MGAM2: variants seen among roughly 807,000 people sequenced by gnomAD.
MGAM2 encodes maltase-glucoamylase 2 (putative), also known as probable maltase-glucoamylase 2.
MGAM2 carries 98 observed loss-of-function variants against 96.1 expected under a neutral mutation model. That is an observed-to-expected ratio of 1.02 (90% confidence interval 0.87 to 1.21). The LOEUF (loss-of-function observed/expected upper bound fraction) is 1.21. Among genes scored for constraint, MGAM2 ranks in the 50% most tolerant of loss-of-function variants. The pLI is 0.00. For synonymous variants in MGAM2, 749 were observed against 414.8 expected (o/e 1.81, Z -9.79); for missense variants, 2,055 against 1,182.4 (o/e 1.74, Z -10.82).
At chr7:142,113,465 C>A (rs1817244666) in intron 1 of MGAM2, among the ~76,000 whole-genome samples, 1 of 151,978 alleles carries the variant, frequency 6.6e-6, no homozygotes, top group African/African-American at 2.4e-5. Context: ...AGTAGTCTGA[C>A]TGAACTGTTA....
intron 37 of MGAM2, among the ~76,000 whole-genome samples, chr7:142,192,752 C>T (rs1796909972): frequency 6.6e-6 from 1 of 152,162 alleles, no homozygotes; most frequent in Admixed American, 6.5e-5. Context: ...TCTTTCTCTT[C>T]AGAGAAGCTT....
rs866616255 is a variant in MGAM2 at position 142,172,701 on chromosome 7, G to T, written c.3498G>T (p.Gly1166=). The T allele has an allele frequency of 4.3e-6, 3 of 705,004 alleles. No homozygotes were observed. The highest frequency in any genetic ancestry group is 1.5e-5 in the South Asian group (1 of 67,636). The allele number at this position is 705,004 out of a possible 1,614,324, so 43.7% of individuals were successfully genotyped here. ...TPALTYRTTG[G]ILDFYIVLGP... ...CTCTGACATACCGCACCACAGGAGGGATTTTGGACTTCTACATTGTTTTGG... is the reference window on the plus strand; with the variant it reads ...CTCTGACATACCGCACCACAGGAGGTATTTTGGACTTCTACATTGTTTTGG... Residue 1166 remains glycine (G), a synonymous_variant, in exon 30 of 48, where the codon GGG becomes GGT. Coordinates refer to ENST00000477922, the MANE Select transcript of MGAM2 (RefSeq NM_001293626.2).
intron 12 of MGAM2, among the ~76,000 whole-genome samples, chr7:142,143,247 T>C (rs1795285486): frequency 6.6e-6 from 1 of 152,198 alleles, no homozygotes; most frequent in African/African-American, 2.4e-5. Context: ...TTTAAAGCTA[T>C]TGTTTGATAG....
intron 4 of MGAM2, 65 bp from the exon 5 acceptor site, chr7:142,131,453 C>CA (rs200730900): frequency 6.1e-5 from 41 of 676,190 alleles, no homozygotes; most frequent in South Asian, 3.4e-4. Context: ...AAAACAAAAA[C>CA]AAAACAAAAC....
intron 33 of MGAM2, 49 bp downstream of exon 33, chr7:142,183,422 G>A (rs762628766): frequency 3.0e-5 from 21 of 691,612 alleles, no homozygotes; most frequent in Admixed American, 1.5e-4. Context: ...ACAATGTCTT[G>A]AAATAAAACA....
At chr7:142,210,523 T>C (rs1222276480) in intron 46 of MGAM2, among the ~76,000 whole-genome samples, 2 of 152,148 alleles carry the variant, frequency 1.3e-5, no homozygotes, top group African/African-American at 4.8e-5. Flanking sequence ...CCGCCATTAC[T>C]GAGGCTTGAG....
chr7:142,144,183 C>T (rs1384729203), intron 13 of MGAM2, among the ~76,000 whole-genome samples: 1 of 152,032 alleles, frequency 6.6e-6, no homozygotes, highest in Non-Finnish European at 1.5e-5. Context: ...ATTATAATTG[C>T]TACTATTTGT....
In MGAM2 at chr7:142,154,179, G is replaced by C. The variant is rs1795667343; in HGVS notation, c.1796G>C (p.Gly599Ala). The C allele has an allele frequency of 3.2e-6, 2 of 620,070 alleles. No individual in the cohort carries two copies. Among genetic ancestry groups the C allele is most frequent in the Non-Finnish European group, 6.0e-6 (2 of 330,608 alleles). 38.4% of individuals were successfully genotyped at this position (620,070 alleles called of 1,614,324 possible). A position where few individuals can be genotyped will look rare whatever the true frequency, so the allele number is the denominator to read the frequency against. The change falls in exon 16 of 48, where the codon GGC (glycine) becomes GCC (alanine). Residue 599 changes from glycine to alanine, a missense_variant. Coordinates refer to ENST00000477922, the MANE Select transcript of MGAM2 (RefSeq NM_001293626.2). ...IPTILEFNLF[G>A]IPMVGANICG... is the part of the protein sequence containing the mutation. ...ACTATCCTTGAGTTCAACCTGTTTG[G>C]CATCCCCATGGTGAGCCTTATTTCC...
In MGAM2 at chr7:142,220,560, C is replaced by T; in HGVS notation, c.6049C>T (p.Pro2017Ser). 1.4e-6 allele frequency: 1 copy of T among 694,602 alleles called. No individual in the cohort carries two copies. The allele number at this position is 694,602 out of a possible 1,614,324, so 43.0% of individuals were successfully genotyped here. ...STTSASTNAT[P>S]VPITTTLFAT... ...TACTAGTGCTAGCACTAATGCTACC[C>T]CTGTTCCTATCACAACCACACTTTT... The change falls in exon 48 of 48, where the codon CCT becomes TCT. Residue 2017 changes from proline (P) to serine (S), a missense_variant. Transcript: ENST00000477922.
chr7:142,199,648 A>G (rs1054796263), intron 44 of MGAM2, among the ~76,000 whole-genome samples: 4 of 152,172 alleles, frequency 2.6e-5, no homozygotes, highest in Non-Finnish European at 5.9e-5. Context: ...TTGTATGTAT[A>G]TTTGATTTTT....
intron 14 of MGAM2, among the ~76,000 whole-genome samples, chr7:142,145,212 A>T (rs558734478): frequency 2.0e-5 from 3 of 152,220 alleles, no homozygotes; most frequent in African/African-American, 7.2e-5. Context: ...AAATGCTTTC[A>T]TCCTGTTCAT....
chr7:142,121,979 T>C (rs1794589491), intron 3 of MGAM2, among the ~76,000 whole-genome samples: 1 of 152,150 alleles, frequency 6.6e-6, no homozygotes, highest in South Asian at 2.1e-4. Context: ...AGCACAAAGT[T>C]AGCTATTGGC....
At chr7:142,138,494 T>C in intron 9 of MGAM2, 48 bp from the exon 10 acceptor site, 1 of 670,884 alleles carries the variant, frequency 1.5e-6, no homozygotes, top group Non-Finnish European at 2.7e-6. Flanking sequence ...GAAAATGAAA[T>C]GGGGCTAATG....
In MGAM2 at chr7:142,132,657, A is replaced by AAATATAATAAATATATTAATTAT. The variant is rs1235733597; in HGVS notation, c.575+581_575+603dup. 7.9e-4 allele frequency among the ~76,000 whole-genome samples: 101 copies of AAATATAATAAATATATTAATTAT among 127,304 alleles called. 1 individual carries two copies. The highest frequency in any genetic ancestry group is 3.1e-3 in the African/African-American group (99 of 32,118). The allele number at this position is 127,304 out of a possible 152,430, so 83.5% of individuals were successfully genotyped here. A position where few individuals can be genotyped will look rare whatever the true frequency, so the allele number is the denominator to read the frequency against. On this transcript the variant is annotated intron_variant, in intron 6 of 47. Transcript: ENST00000477922. The stretch of plus-strand genomic sequence containing the variant: ...AAAATGAAGAATATAGTTATAATTA[A>AAATATAATAAATATATTAATTAT]AATATAATAAATATATTAATTATAA...
At chr7:142,210,142 G>A (rs1396220906) in intron 46 of MGAM2, among the ~76,000 whole-genome samples, 2 of 152,140 alleles carry the variant, frequency 1.3e-5, no homozygotes, top group African/African-American at 4.8e-5. Flanking sequence ...AGGAAGCCAC[G>A]AGGGACAGTG....
chr7:142,174,713 C>CTCTTTTTTTTTTTT (rs1796309378), intron 31 of MGAM2, among the ~76,000 whole-genome samples: 1 of 78,262 alleles, frequency 1.3e-5, no homozygotes, highest in Non-Finnish European at 2.3e-5. Context: ...CTCTCTCTCT[C>CTCTTTTTTTTTTTT]TCTTTTTTTT....
intron 15 of MGAM2, among the ~76,000 whole-genome samples, chr7:142,152,394 G>T (rs1444286116): frequency 6.6e-6 from 1 of 152,206 alleles, no homozygotes; most frequent in Non-Finnish European, 1.5e-5. Context: ...TAGAAGTGGG[G>T]ATAGGAGTTG....
At chr7:142,115,842 C>T (rs1342514064) in intron 1 of MGAM2, among the ~76,000 whole-genome samples, 1 of 152,078 alleles carries the variant, frequency 6.6e-6, no homozygotes, top group Non-Finnish European at 1.5e-5. Flanking sequence ...GAAACTCCAT[C>T]TCAAAATATA....
rs748299647 is a variant in MGAM2, at chr7:142,183,950, C to CTTTTTTTT, written c.3924+610_3924+617dup. On this transcript the variant is annotated intron_variant, in intron 33 of 47. Transcript: ENST00000477922. ...ACTGCTCTGGATGTATTCCAGGCTCCTTTTTTTTTTTTTTTTTTTTTTTTT... is the reference window on the plus strand; with the variant it reads ...ACTGCTCTGGATGTATTCCAGGCTCCTTTTTTTTTTTTTTTTTTTTTTTTTTTTTTTTT... Among the ~76,000 whole-genome samples, 62 of 46,138 alleles carry CTTTTTTTT rather than the reference C, an allele frequency of 1.3e-3. 17 individuals are homozygous for CTTTTTTTT. Among genetic ancestry groups the CTTTTTTTT allele is most frequent in the Non-Finnish European group, 2.6e-3 (52 of 20,368 alleles). The allele number at this position is 46,138 out of a possible 152,430, so 30.3% of individuals were successfully genotyped here.
Sources: gnomAD v4.1 joint callset for allele counts (sites outside exome capture counted in the v4.1 genomes callset) on GRCh38, gnomAD v4.1.1 for gene constraint, MANE v1.5 for transcripts, NCBI Gene and HGNC (gene_info 2026-07-23, HGNC 2026-07-21) for gene names.